MC2R: variants seen among roughly 807,000 people sequenced by gnomAD.
The protein encoded by MC2R is adrenocorticotropic hormone receptor.
Under a neutral mutation model 9.8 loss-of-function variants are expected in MC2R, and 9 were observed. The observed-to-expected ratio is 0.92, with a 90% CI of 0.55 to 1.60. MC2R has a LOEUF of 1.60. Among genes scored for constraint, MC2R ranks in the 40% most tolerant of loss-of-function variants. The pLI, the probability that MC2R is intolerant of heterozygous loss-of-function variation, is 0.00. For missense variants in MC2R, 370 were observed against 389.0 expected, an observed-to-expected ratio of 0.95 and a Z score of 0.41; for synonymous variants, 185 against 154.7, an observed-to-expected ratio of 1.20 and a Z score of -1.45.
At position 13,883,628 on chromosome 18, in the gene MC2R, C is replaced by T. The variant is rs2045250909; in HGVS notation, c.*997G>A. Reference sequence around the variant, plus strand: ...ACACACACACACACACACACACACACTCTCTCTCTCTCTCTCTCTCTCTCT... The same window carrying T: ...ACACACACACACACACACACACACATTCTCTCTCTCTCTCTCTCTCTCTCT... On this transcript the variant is annotated 3_prime_UTR_variant, in exon 2 of 2. Coordinates refer to ENST00000327606, the MANE Select transcript of MC2R (RefSeq NM_000529.2). The T allele has an allele frequency of 2.1e-5, 1 of 46,890 alleles. No homozygotes were observed. Among genetic ancestry groups the T allele is most frequent in the Non-Finnish European group, 5.1e-5 (1 of 19,452 alleles). 2.9% of individuals were successfully genotyped at this position (46,890 alleles called of 1,614,324 possible). A position where few individuals can be genotyped will look rare whatever the true frequency, so the allele number is the denominator to read the frequency against.
At chr18:13,887,906 T>C (rs928027132) in intron 1 of MC2R, among the ~76,000 whole-genome samples, 1 of 152,220 alleles carries the variant, frequency 6.6e-6, no homozygotes, top group Admixed American at 6.5e-5. Flanking sequence ...CAATTCCTTA[T>C]AGTAAATCTT....
At chr18:13,907,764 C>T (rs531062041) in intron 1 of MC2R, among the ~76,000 whole-genome samples, 28 of 152,212 alleles carry the variant, frequency 1.8e-4, no homozygotes, top group Non-Finnish European at 3.5e-4. Context: ...AATGGCCAAA[C>T]AGGTATATGA....
chr18:13,904,744 A>G (rs2045402942), intron 1 of MC2R, among the ~76,000 whole-genome samples: 1 of 152,110 alleles, frequency 6.6e-6, no homozygotes, highest in Non-Finnish European at 1.5e-5. Context: ...ATAACACCAC[A>G]CATCTACAAC....
chr18:13,895,952 G>A (rs1267203978), intron 1 of MC2R, among the ~76,000 whole-genome samples: 1 of 152,224 alleles, frequency 6.6e-6, no homozygotes, highest in Non-Finnish European at 1.5e-5. Flanking sequence ...AGATTCAGGG[G>A]GACAGAGGCA....
At chr18:13,910,855 G>A (rs2045440256) in intron 1 of MC2R, among the ~76,000 whole-genome samples, 1 of 152,188 alleles carries the variant, frequency 6.6e-6, no homozygotes. Flanking sequence ...AACCACAGTG[G>A]GGGAGCTGGC....
At chr18:13,909,076 T>C (rs1049818686) in intron 1 of MC2R, among the ~76,000 whole-genome samples, 7 of 152,198 alleles carry the variant, frequency 4.6e-5, no homozygotes, top group African/African-American at 1.7e-4. Context: ...ATCCAGGACA[T>C]GGTATTATTA....
At chr18:13,906,509 T>C (rs896647641) in intron 1 of MC2R, among the ~76,000 whole-genome samples, 4 of 152,204 alleles carry the variant, frequency 2.6e-5, no homozygotes, top group African/African-American at 9.7e-5. Flanking sequence ...TATACCTATG[T>C]AACAAACCTG....
intron 1 of MC2R, among the ~76,000 whole-genome samples, chr18:13,892,839 CACACACACCA>C (rs2045324518): frequency 7.0e-6 from 1 of 143,152 alleles, no homozygotes; most frequent in Admixed American, 7.0e-5. Flanking sequence ...CACACACACA[CACACACACCA>C]CACACACACA....
chr18:13,895,134 A>C (rs1410231780), intron 1 of MC2R, among the ~76,000 whole-genome samples: 3 of 152,216 alleles, frequency 2.0e-5, no homozygotes, highest in Admixed American at 6.5e-5. Context: ...ACAATCAGCA[A>C]CTTGAACAAC....
intron 1 of MC2R, among the ~76,000 whole-genome samples, chr18:13,912,684 A>T (rs1456806932): frequency 6.6e-6 from 1 of 152,242 alleles, no homozygotes; most frequent in African/African-American, 2.4e-5. Context: ...CTCCCGGACC[A>T]TCCCAACTGC....
intron 1 of MC2R, among the ~76,000 whole-genome samples, chr18:13,904,011 A>T (rs1306371400): frequency 6.6e-6 from 1 of 151,706 alleles, no homozygotes; most frequent in East Asian, 1.9e-4. Flanking sequence ...TCATTTCCAC[A>T]GATGTCTGCT....
chr18:13,908,706 T>TTCGTGTGTGTGTGTG (rs374040158), intron 1 of MC2R, among the ~76,000 whole-genome samples: 1 of 142,594 alleles, frequency 7.0e-6, no homozygotes, highest in African/African-American at 2.7e-5. Context: ...CAGGAGCTTC[T>TTCGTGTGTGTGTGTG]TGTGTGTGTG....
chr18:13,895,508 AAG>A (rs914076153), intron 1 of MC2R, among the ~76,000 whole-genome samples: 46 of 152,302 alleles, frequency 3.0e-4, no homozygotes, highest in African/African-American at 1.1e-3. Context: ...ACCTTCGTGC[AAG>A]AGAGTCAGGA....
chr18:13,915,015 T>C lies in MC2R; in HGVS notation c.-129+473A>G, dbSNP rs150431944. 1.4e-4 allele frequency among the ~76,000 whole-genome samples: 21 copies of C among 152,344 alleles called. No homozygotes were observed. In the East Asian group the frequency reaches 4.0e-3, roughly 29 times the overall value. ...AGAACTGTAACGTCACACGTGTGGA[T>C]GGTGGAGTTGCTTAGACACCAATGC... On this transcript the variant is annotated intron_variant, in intron 1 of 1. Transcript: ENST00000327606.
chr18:13,897,185 G>A (rs1326624422), intron 1 of MC2R, among the ~76,000 whole-genome samples: 2 of 152,212 alleles, frequency 1.3e-5, no homozygotes, highest in African/African-American at 4.8e-5. Flanking sequence ...GCGTGGTGTG[G>A]AGAGCATCTC....
chr18:13,906,006 G>A (rs1231795196), intron 1 of MC2R, among the ~76,000 whole-genome samples: 3 of 152,152 alleles, frequency 2.0e-5, no homozygotes, highest in East Asian at 1.9e-4. Flanking sequence ...TCTTAGAGGC[G>A]GAGGTTGCAG....
chr18:13,891,707 G>A (rs1256219442), intron 1 of MC2R, among the ~76,000 whole-genome samples: 3 of 152,152 alleles, frequency 2.0e-5, no homozygotes, highest in Non-Finnish European at 4.4e-5. Flanking sequence ...TGACATTCCA[G>A]TTGGGGCAAT....
chr18:13,902,918 A>G (rs1007392364), intron 1 of MC2R, among the ~76,000 whole-genome samples: 3 of 152,216 alleles, frequency 2.0e-5, no homozygotes, highest in Non-Finnish European at 1.5e-5. Context: ...ATAGAATGAG[A>G]GAAAATATTT....
At chr18:13,904,376 G>A (rs866334033) in intron 1 of MC2R, among the ~76,000 whole-genome samples, 103 of 97,244 alleles carry the variant, frequency 1.1e-3, no homozygotes, top group African/African-American at 4.8e-3. Flanking sequence ...GCAAGACCCC[G>A]TCTCAAAAAA....
Sources: allele counts gnomAD v4.1 joint callset (sites outside exome capture counted in the v4.1 genomes callset), GRCh38; gene constraint gnomAD v4.1.1; transcripts MANE v1.5; gene names NCBI Gene and HGNC (gene_info 2026-07-23, HGNC 2026-07-21).